PRKN: variants seen among roughly 807,000 people sequenced by gnomAD.
PRKN encodes the protein E3 ubiquitin-protein ligase parkin.
A neutral mutation model predicts 59.5 loss-of-function variants in PRKN; 56 were observed. That is an observed-to-expected ratio of 0.94 (90% CI 0.76 to 1.18). The LOEUF (loss-of-function observed/expected upper bound fraction) is 1.18. Ranked by LOEUF, PRKN falls within the 50% of genes most tolerant of loss-of-function variation. The pLI is 0.00. For synonymous variants in PRKN, 250 were observed against 222.1 expected, an observed-to-expected ratio of 1.13 and a Z score of -1.12; for missense variants, 657 against 596.4, an observed-to-expected ratio of 1.10 and a Z score of -1.06.
chr6:161,832,555 C>T (rs555018468), intron 6 of PRKN, among the ~76,000 whole-genome samples: 14 of 134,976 alleles, frequency 1.0e-4, no homozygotes, highest in African/African-American at 3.9e-4. Context: ...ACCCAGGAGG[C>T]GGTGGTTGCA....
intron 1 of PRKN, among the ~76,000 whole-genome samples, chr6:162,584,256 A>C (rs1007701071): frequency 1.3e-5 from 2 of 148,192 alleles, no homozygotes; most frequent in African/African-American, 4.9e-5. Flanking sequence ...CAAAAAAAAA[A>C]AAAACACTGA....
intron 9 of PRKN, among the ~76,000 whole-genome samples, chr6:161,501,537 T>C (rs1222430928): frequency 6.6e-6 from 1 of 152,020 alleles, no homozygotes; most frequent in Non-Finnish European, 1.5e-5. Context: ...ATCCGATAGG[T>C]CTTTTGCAAT....
At chr6:161,449,908 C>T (rs371112325) in intron 9 of PRKN, among the ~76,000 whole-genome samples, 3 of 152,160 alleles carry the variant, frequency 2.0e-5, no homozygotes, top group South Asian at 4.1e-4. Flanking sequence ...TGCCATGACC[C>T]CCACACCCAC....
In PRKN at chr6:161,417,217, C is replaced by T. The variant is rs568279867; in HGVS notation, c.1084-30340G>A. On this transcript the variant is annotated intron_variant, in intron 9 of 11. Coordinates refer to ENST00000366898, the MANE Select transcript of PRKN (RefSeq NM_004562.3). The surrounding 1 kb of genome is among the most constrained non-coding windows in gnomAD (Gnocchi z 5.4). ...CTGTAATCCCAGCACTTTGGGAGGC[C>T]GAGGCTGCCAAATCACGAGGTCAAG... Among the ~76,000 whole-genome samples, 75 of 152,172 alleles carry T rather than the reference C, an allele frequency of 4.9e-4. No homozygotes were observed. The highest frequency in any genetic ancestry group is 8.8e-4 in the Non-Finnish European group (60 of 68,002).
rs1022751288 is a variant in PRKN at position 161,588,915 on chromosome 6, AT to A, written c.872-19500del. Among the ~76,000 whole-genome samples, 6 of 152,102 alleles carry A rather than the reference AT, an allele frequency of 3.9e-5. No homozygotes were observed. The highest frequency in any genetic ancestry group is 1.4e-4 in the African/African-American group (6 of 41,424). The stretch of plus-strand genomic sequence containing the variant: ...TTTTTAGCCTAAGCCTGACCCAGAT[AT>A]TTTTGTTAACCTGAAATGCAAATGT... On this transcript the variant is annotated intron_variant, in intron 7 of 11. Coordinates refer to ENST00000366898, the MANE Select transcript of PRKN (RefSeq NM_004562.3). This position sits in a 1 kb window ranked among gnomAD's most constrained non-coding sequence, Gnocchi z 5.0.
At position 161,349,969 on chromosome 6, in the gene PRKN, A is replaced by G; in HGVS notation, c.*130T>C. 2 of 714,018 alleles carry G rather than the reference A, an allele frequency of 2.8e-6. No homozygotes were observed. The highest frequency in any genetic ancestry group is 5.0e-6 in the Non-Finnish European group (2 of 398,874). 44.2% of individuals were successfully genotyped at this position (714,018 alleles called of 1,614,324 possible). A position where few individuals can be genotyped will look rare whatever the true frequency, so the allele number is the denominator to read the frequency against. ...GCAATTTGGCTGTAGTTGGACTTTG[A>G]AAAAAACTTGAAGAGTGTGTGTGCG... On this transcript the variant is annotated 3_prime_UTR_variant, in exon 12 of 12. Coordinates refer to ENST00000366898, the MANE Select transcript of PRKN (RefSeq NM_004562.3). The surrounding 1 kb of genome is among the most constrained non-coding windows in gnomAD (Gnocchi z 5.5).
intron 4 of PRKN, among the ~76,000 whole-genome samples, chr6:162,072,094 T>C (rs1778600646): frequency 6.6e-6 from 1 of 152,134 alleles, no homozygotes; most frequent in Admixed American, 6.5e-5. Flanking sequence ...GGGGATGGAA[T>C]ACTGAAAGAG....
At chr6:161,702,183 T>C (rs1030389456) in intron 7 of PRKN, among the ~76,000 whole-genome samples, 1 of 152,128 alleles carries the variant, frequency 6.6e-6, no homozygotes, top group African/African-American at 2.4e-5. Flanking sequence ...GGTTCTATAA[T>C]AGTAAAAATG....
At chr6:162,260,375 G>C (rs1779838327) in intron 3 of PRKN, among the ~76,000 whole-genome samples, 1 of 152,046 alleles carries the variant, frequency 6.6e-6, no homozygotes, top group Non-Finnish European at 1.5e-5. Context: ...AAATTTACTA[G>C]AATTTATTCT....
chr6:162,382,517 C>T (rs1395818804), intron 2 of PRKN, among the ~76,000 whole-genome samples: 1 of 152,180 alleles, frequency 6.6e-6, no homozygotes, highest in African/African-American at 2.4e-5. Context: ...AGCATACAAA[C>T]TTTAATTTAA....
chr6:161,880,606 G>A (rs1271629348), intron 6 of PRKN, among the ~76,000 whole-genome samples: 1 of 152,268 alleles, frequency 6.6e-6, no homozygotes, highest in Non-Finnish European at 1.5e-5. Context: ...CCCACGAGGT[G>A]GGGTGGGAGG....
At chr6:162,229,491 A>C (rs1317826652) in intron 3 of PRKN, among the ~76,000 whole-genome samples, 1 of 152,176 alleles carries the variant, frequency 6.6e-6, no homozygotes, top group Non-Finnish European at 1.5e-5. Flanking sequence ...TCTCCAACAG[A>C]GGCTGGGCTT....
At chr6:162,713,848 T>C (rs1473258285) in intron 1 of PRKN, among the ~76,000 whole-genome samples, 4 of 152,234 alleles carry the variant, frequency 2.6e-5, no homozygotes, top group African/African-American at 9.6e-5. Flanking sequence ...TCCAGACCTC[T>C]AGCTGAGCAG....
intron 2 of PRKN, among the ~76,000 whole-genome samples, chr6:162,272,840 A>G (rs1357687707): frequency 6.6e-6 from 1 of 151,876 alleles, no homozygotes; most frequent in Admixed American, 6.6e-5. Flanking sequence ...TCTACTAAAA[A>G]TACAAAAATT....
At chr6:161,595,603 G>GA (rs1388299843) in intron 7 of PRKN, among the ~76,000 whole-genome samples, 5 of 151,920 alleles carry the variant, frequency 3.3e-5, no homozygotes, top group African/African-American at 1.2e-4. Flanking sequence ...CGAAGGCCAA[G>GA]ACGGAAGCTG....
At chr6:161,771,135 T>C (rs573749962) in intron 7 of PRKN, among the ~76,000 whole-genome samples, 3 of 151,908 alleles carry the variant, frequency 2.0e-5, no homozygotes, top group Admixed American at 6.6e-5. Context: ...GGTGGGCGGA[T>C]TACGAGGTCA....
rs1785726847 is a variant in PRKN, at chr6:161,376,843, C to T, written c.1167+9951G>A. Among the ~76,000 whole-genome samples the T allele has an allele frequency of 6.6e-6, 1 of 152,234 alleles. No homozygotes were observed. Among genetic ancestry groups the T allele is most frequent in the Admixed American group, 6.5e-5 (1 of 15,292 alleles). ...CAAGACACTCCCTGCCTGCAAGTCT[C>T]AGAGCCTGTTCTCCTGGGAACCTAT... On this transcript the variant is annotated intron_variant, in intron 10 of 11. Transcript: ENST00000366898. The surrounding 1 kb of genome is among the most constrained non-coding windows in gnomAD (Gnocchi z 7.3).
At chr6:161,819,858 T>A (rs535700936) in intron 6 of PRKN, among the ~76,000 whole-genome samples, 10 of 152,302 alleles carry the variant, frequency 6.6e-5, no homozygotes, top group Non-Finnish European at 1.5e-4. Flanking sequence ...TTAGAAAATA[T>A]TTTTCAAATA....
chr6:161,749,830 C>A (rs1322161605), intron 7 of PRKN, among the ~76,000 whole-genome samples: 1 of 151,996 alleles, frequency 6.6e-6, no homozygotes, highest in African/African-American at 2.4e-5. Context: ...TCCGTTGCTC[C>A]CCACCCACAT....
Sources: gnomAD v4.1 joint callset for allele counts (sites outside exome capture counted in the v4.1 genomes callset) on GRCh38, gnomAD v4.1.1 for gene constraint, Gnocchi (gnomAD v3.1) non-coding constraint, MANE v1.5 for transcripts, NCBI Gene and HGNC (gene_info 2026-07-23, HGNC 2026-07-21) for gene names.